The following GLYATL2 variants were observed in gnomAD, a reference collection of about 807,000 sequenced individuals.
The protein encoded by GLYATL2 is glycine-N-acyltransferase like 2, also known as glycine N-acyltransferase-like protein 2.
In GLYATL2, 25 loss-of-function variants were observed where a neutral mutation model predicts 21.4. That is an observed-to-expected ratio of 1.17 (90% CI 0.85 to 1.63). The LOEUF (loss-of-function observed/expected upper bound fraction) is 1.63. Among genes scored for constraint, GLYATL2 ranks in the 40% most tolerant of loss-of-function variants. GLYATL2 has a pLI of 0.00. For synonymous variants in GLYATL2, 114 were observed against 118.2 expected (o/e 0.96, Z 0.23); for missense variants, 361 against 343.3 (o/e 1.05, Z -0.41).
At chr11:58,890,906 A>T (rs186320385) in intron 1 of GLYATL2, among the ~76,000 whole-genome samples, 135 of 151,708 alleles carry the variant, frequency 8.9e-4, no homozygotes, top group Non-Finnish European at 1.7e-3. Flanking sequence ...GGCTTTATAT[A>T]TCCTTTGCAC....
intron 1 of GLYATL2, among the ~76,000 whole-genome samples, chr11:58,874,130 T>C (rs1384076993): frequency 1.3e-5 from 2 of 152,156 alleles, no homozygotes; most frequent in Middle Eastern, 3.2e-3. Context: ...TCGGTGGTGA[T>C]ATCTATCCCC....
chr11:58,863,563 C>A (rs912188691), intron 1 of GLYATL2, among the ~76,000 whole-genome samples: 1 of 152,288 alleles, frequency 6.6e-6, no homozygotes, highest in South Asian at 2.1e-4. Flanking sequence ...TCACAAAAAC[C>A]AGCCTGAAGC....
chr11:58,877,500 G>A (rs1854258375), intron 1 of GLYATL2, among the ~76,000 whole-genome samples: 1 of 152,202 alleles, frequency 6.6e-6, no homozygotes, highest in Admixed American at 6.5e-5. Flanking sequence ...GAGAGCCAAT[G>A]ATTGATCTTT....
At chr11:58,835,157 G>A (rs1169664763) in intron 5 of GLYATL2, among the ~76,000 whole-genome samples, 2 of 152,080 alleles carry the variant, frequency 1.3e-5, no homozygotes, top group Non-Finnish European at 2.9e-5. Context: ...GGCCAGAGAA[G>A]CCCTCCACAT....
At position 58,874,944 on chromosome 11, in the gene GLYATL2, A is replaced by C. The variant is rs1345787176; in HGVS notation, n.60+29212T>G. On this transcript the variant is annotated intron_variant and non_coding_transcript_variant, in intron 1 of 4. Coordinates refer to the GLYATL2 transcript ENST00000533636. ...AGTCTAAGTCTCTTTGTAGGTCACTAAGGACTTGCTTTATGAATCTGGGTG... is the reference window on the plus strand; with the variant it reads ...AGTCTAAGTCTCTTTGTAGGTCACTCAGGACTTGCTTTATGAATCTGGGTG... 9.9e-5 allele frequency among the ~76,000 whole-genome samples: 15 copies of C among 152,148 alleles called. 1 individual carries two copies. Among genetic ancestry groups the C allele is most frequent in the South Asian group, 2.1e-4 (1 of 4,818 alleles).
At chr11:58,881,641 G>A (rs1223916648) in intron 1 of GLYATL2, among the ~76,000 whole-genome samples, 1 of 152,022 alleles carries the variant, frequency 6.6e-6, no homozygotes, top group African/African-American at 2.4e-5. Context: ...ACAATGTGCA[G>A]GTTTGTTACA....
At chr11:58,891,794 G>T (rs981337413) in intron 1 of GLYATL2, among the ~76,000 whole-genome samples, 7 of 152,216 alleles carry the variant, frequency 4.6e-5, no homozygotes, top group Non-Finnish European at 8.8e-5. Context: ...CAGGGGATAT[G>T]TGTGGCCCAA....
At chr11:58,871,557 G>C (rs1854121352) in intron 1 of GLYATL2, among the ~76,000 whole-genome samples, 1 of 151,340 alleles carries the variant, frequency 6.6e-6, no homozygotes, top group African/African-American at 2.4e-5. Context: ...CCTTGTGATA[G>C]TTTGCTGAGA....
At chr11:58,886,137 G>C (rs1452892274) in intron 1 of GLYATL2, among the ~76,000 whole-genome samples, 3 of 152,172 alleles carry the variant, frequency 2.0e-5, no homozygotes, top group African/African-American at 7.2e-5. Context: ...GATGGCTTGA[G>C]CCCCAGGAGG....
chr11:58,878,648 G>T (rs894124551), intron 1 of GLYATL2, among the ~76,000 whole-genome samples: 1 of 152,132 alleles, frequency 6.6e-6, no homozygotes, highest in Non-Finnish European at 1.5e-5. Context: ...GGATTTTGGT[G>T]TACCCCTTTG....
chr11:58,873,834 T>A (rs1009409295), intron 1 of GLYATL2, among the ~76,000 whole-genome samples: 2 of 152,222 alleles, frequency 1.3e-5, no homozygotes, highest in African/African-American at 4.8e-5. Context: ...TGTTTTTTTA[T>A]TGATTGGAAT....
intron 1 of GLYATL2, among the ~76,000 whole-genome samples, chr11:58,879,854 GTTTTTT>G (rs71064495): frequency 7.7e-6 from 1 of 130,108 alleles, no homozygotes; most frequent in Non-Finnish European, 1.7e-5. Context: ...TTTTTTCCTT[GTTTTTT>G]TTTTTTTTTT....
At chr11:58,881,715 C>T (rs796348284) in intron 1 of GLYATL2, among the ~76,000 whole-genome samples, 2 of 152,248 alleles carry the variant, frequency 1.3e-5, no homozygotes, top group African/African-American at 4.8e-5. Flanking sequence ...ATAGTTATTT[C>T]TCTTAATGCC....
chr11:58,909,375 CTTATG>C, the GLYATL2 span, among the ~76,000 whole-genome samples: 1 of 151,990 alleles, frequency 6.6e-6, no homozygotes, highest in Non-Finnish European at 1.5e-5. Context: ...AATGATAGAT[CTTATG>C]TTAAGTGTTC....
Position 58,865,043 on chromosome 11 carries a change from G to A in GLYATL2, n.61-26675C>T, listed in dbSNP as rs1408685652. 1.3e-5 allele frequency among the ~76,000 whole-genome samples: 2 copies of A among 148,876 alleles called. 1 individual carries two copies. The highest frequency in any genetic ancestry group is 3.0e-5 in the Non-Finnish European group (2 of 67,164). Reference sequence around the variant, plus strand: ...TGAATATGTTTATGGCATAGGTTGTGTTGATGGTTTCATGAGTATGTATTC... The same window carrying A: ...TGAATATGTTTATGGCATAGGTTGTATTGATGGTTTCATGAGTATGTATTC... On this transcript the variant is annotated intron_variant and non_coding_transcript_variant, in intron 1 of 4. Coordinates refer to the GLYATL2 transcript ENST00000533636.
At chr11:58,874,452 T>G (rs1854188347) in intron 1 of GLYATL2, among the ~76,000 whole-genome samples, 1 of 152,250 alleles carries the variant, frequency 6.6e-6, no homozygotes, top group South Asian at 2.1e-4. Flanking sequence ...CTCTACACAC[T>G]GCTTTGAATG....
intron 1 of GLYATL2, among the ~76,000 whole-genome samples, chr11:58,896,388 C>A (rs887105291): frequency 6.6e-6 from 1 of 152,174 alleles, no homozygotes; most frequent in African/African-American, 2.4e-5. Context: ...TGCTCAGATA[C>A]CCTTTCAATG....
upstream of GLYATL2, among the ~76,000 whole-genome samples, chr11:58,846,240 TA>T (rs1437587217): frequency 1.9e-4 from 29 of 149,228 alleles, no homozygotes; most frequent in South Asian, 1.4e-3. Context: ...AAATTTTTTT[TA>T]TATAGTTTAT....
At chr11:58,876,110 G>A (rs1484667195) in intron 1 of GLYATL2, among the ~76,000 whole-genome samples, 3 of 152,106 alleles carry the variant, frequency 2.0e-5, no homozygotes, top group African/African-American at 7.2e-5. Flanking sequence ...CATTCATCAC[G>A]TTGTTCTCGT....
Sources: allele counts gnomAD v4.1 joint callset (sites outside exome capture counted in the v4.1 genomes callset), GRCh38; gene constraint gnomAD v4.1.1; transcripts MANE v1.5; gene names NCBI Gene and HGNC (gene_info 2026-07-23, HGNC 2026-07-21).